NIN: variants seen among roughly 807,000 people sequenced by gnomAD.
NIN encodes the protein ninein, also known as glycogen synthase kinase 3 beta-interacting protein.
In NIN, 137 loss-of-function variants were observed where a neutral mutation model predicts 257.6. That is an observed-to-expected ratio of 0.53 (90% confidence interval 0.46 to 0.61). The LOEUF (loss-of-function observed/expected upper bound fraction) is 0.61, where lower values mean the gene tolerates loss of function less well. Among genes scored for constraint, NIN ranks in the 20% least tolerant of loss-of-function variants. NIN has a pLI of 0.00. For synonymous variants in NIN, 918 were observed against 919.8 expected (o/e 1.00, Z 0.04); for missense variants, 2,439 against 2,501.2 (o/e 0.98, Z 0.53).
chr14:50,792,868 T>TTC lies in NIN; in HGVS notation c.277_278dup (p.Ala94LysfsTer31). 6.2e-7 allele frequency: 1 copy of TTC among 1,614,208 alleles called. No individual in the cohort carries two copies. Among genetic ancestry groups the TTC allele is most frequent in the Non-Finnish European group, 8.5e-7 (1 of 1,180,036 alleles). ...CACCTCTAACATATTTGGGCTGAGC[T>TTC]TCTAGTGAGCAGTCTGAGAGAGGAG... is the stretch of plus-strand genomic sequence containing the variant. On this transcript the variant is annotated frameshift_variant, in exon 5 of 31. Transcript: ENST00000530997. LOFTEE classifies it high-confidence loss of function.
chr14:50,771,539 A>G, intron 9 of NIN, 71 bp from the exon 10 acceptor site: 1 of 1,524,378 alleles, frequency 6.6e-7, no homozygotes, highest in Middle Eastern at 1.7e-4. Flanking sequence ...AGAAAATGTG[A>G]AGGCTATACA....
rs776088962 is a variant in NIN, at chr14:50,726,079, A to G, written c.6079-13T>C. On this transcript the variant is annotated splice_polypyrimidine_tract_variant and intron_variant, in intron 29 of 30. Transcript: ENST00000530997. Reference sequence around the variant, plus strand: ...GTTCCTGGTTTCCCTGAAGGGAAGAAAAGTATATTATTCGAAAATCATGTC... The same window carrying G: ...GTTCCTGGTTTCCCTGAAGGGAAGAGAAGTATATTATTCGAAAATCATGTC... 1.9e-6 allele frequency: 3 copies of G among 1,594,098 alleles called. No homozygotes were observed.
At chr14:50,755,554 T>C (rs574594414) in intron 18 of NIN, among the ~76,000 whole-genome samples, 25 of 152,010 alleles carry the variant, frequency 1.6e-4, no homozygotes, top group African/African-American at 5.8e-4. Context: ...AAATTAATTC[T>C]ACTTGTATCT....
At chr14:50,774,813 G>T (rs545058960) in intron 7 of NIN, among the ~76,000 whole-genome samples, 2 of 152,318 alleles carry the variant, frequency 1.3e-5, no homozygotes, top group South Asian at 4.1e-4. Flanking sequence ...GGTGGAGTGG[G>T]CAAGTGATGA....
chr14:50,819,673 T>C (rs1198421762), intron 3 of NIN, among the ~76,000 whole-genome samples: 1 of 152,240 alleles, frequency 6.6e-6, no homozygotes, highest in Non-Finnish European at 1.5e-5. Flanking sequence ...TCCCATGCCA[T>C]GAGACTACAG....
Position 50,806,809 on chromosome 14 carries a change from C to A in NIN, c.193G>T (p.Asp65Tyr). ...AGTATTAATGCTTCTTTAAATTGGT[C>A]AAAATGTACCTAAAAAAAATTAAAA... ...QDNLLGRVHF[D>Y]QFKEALILIL... Residue 65 changes from aspartate (D) to tyrosine (Y), a missense_variant, in exon 4 of 31, where the codon GAC (aspartate) becomes TAC (tyrosine). Coordinates refer to ENST00000530997, the MANE Select transcript of NIN (RefSeq NM_020921.4). 2.7e-6 allele frequency: 4 copies of A among 1,477,244 alleles called. No individual in the cohort carries two copies. The South Asian group carries it at 4.7e-5, about 17-fold the overall frequency. The allele number at this position is 1,477,244 out of a possible 1,614,324, so 91.5% of individuals were successfully genotyped here.
chr14:50,785,700 C>G (rs2043317223), intron 5 of NIN, among the ~76,000 whole-genome samples: 1 of 152,182 alleles, frequency 6.6e-6, no homozygotes, highest in Admixed American at 6.5e-5. Context: ...AAAAATACAG[C>G]ATCTATGGCG....
At chr14:50,767,397 A>G (rs1009359529) in intron 12 of NIN, among the ~76,000 whole-genome samples, 1 of 152,238 alleles carries the variant, frequency 6.6e-6, no homozygotes, top group Non-Finnish European at 1.5e-5. Context: ...ATGTGTATCT[A>G]TTGGACAGCA....
chr14:50,809,938 C>T (rs2044504919), intron 3 of NIN, among the ~76,000 whole-genome samples: 1 of 152,084 alleles, frequency 6.6e-6, no homozygotes, highest in Non-Finnish European at 1.5e-5. Context: ...TCATAAAGCC[C>T]AGGCACTCAT....
intron 12 of NIN, among the ~76,000 whole-genome samples, chr14:50,769,753 C>T (rs1483188361): frequency 3.3e-5 from 5 of 152,114 alleles, no homozygotes; most frequent in South Asian, 2.1e-4. Flanking sequence ...ATGCCTGCCT[C>T]GGCCTCTGAA....
At chr14:50,740,818 G>A (rs1003903527) in intron 25 of NIN, among the ~76,000 whole-genome samples, 2 of 152,206 alleles carry the variant, frequency 1.3e-5, no homozygotes, top group Admixed American at 1.3e-4. Flanking sequence ...GTTTCACCAA[G>A]AGATAACTGA....
chr14:50,778,883 ACT>A, intron 5 of NIN, 79 bp from the exon 6 acceptor site: 1 of 1,426,522 alleles, frequency 7.0e-7, no homozygotes, highest in African/African-American at 1.4e-5. Flanking sequence ...AGAGCAGATC[ACT>A]CTCTGGCTCT....
intron 29 of NIN, among the ~76,000 whole-genome samples, chr14:50,729,168 TGA>T (rs2040561774): frequency 6.6e-6 from 1 of 152,158 alleles, no homozygotes; most frequent in Non-Finnish European, 1.5e-5. Context: ...GCTTAGAAGC[TGA>T]GAGCTCAAAA....
intron 2 of NIN, among the ~76,000 whole-genome samples, chr14:50,829,246 T>A (rs2045594022): frequency 6.6e-6 from 1 of 152,146 alleles, no homozygotes; most frequent in East Asian, 1.9e-4. Context: ...GTTCCTCCTA[T>A]ACACACTCTG....
In NIN at chr14:50,720,781, T is replaced by C. The variant is rs2040256149; in HGVS notation, c.*2682A>G. ...TACAATAGGATGAGAGAGGTGGGTTTTACTATCCACATTTTCCTTTTCTTA... is the reference window on the plus strand; with the variant it reads ...TACAATAGGATGAGAGAGGTGGGTTCTACTATCCACATTTTCCTTTTCTTA... On this transcript the variant is annotated 3_prime_UTR_variant, in exon 31 of 31. Coordinates refer to ENST00000530997, the MANE Select transcript of NIN (RefSeq NM_020921.4). 1 of 202,528 alleles carries C rather than the reference T, an allele frequency of 4.9e-6. No homozygotes were observed. Among genetic ancestry groups the C allele is most frequent in the African/African-American group, 2.3e-5 (1 of 43,624 alleles). The allele number at this position is 202,528 out of a possible 1,614,324, so 12.5% of individuals were successfully genotyped here.
intron 17 of NIN, among the ~76,000 whole-genome samples, chr14:50,759,547 G>A (rs1229206171): frequency 1.3e-5 from 2 of 151,078 alleles, no homozygotes; most frequent in Non-Finnish European, 2.9e-5. Context: ...AGGCTGGAGT[G>A]CAGTAGCGCG....
In NIN at chr14:50,760,325, A is replaced by G; in HGVS notation, c.1931T>C (p.Val644Ala). The change falls in exon 17 of 31, where the codon GTG becomes GCG. Residue 644 changes from valine to alanine, a missense_variant. Physicochemically the swap from Val to Ala is moderately conservative, Grantham distance 64. Coordinates refer to ENST00000530997, the MANE Select transcript of NIN (RefSeq NM_020921.4). ...RHYEKQLDET[V>A]VSCKKAQENM... ...CTCCTGTGCCTTCTTGCAGCTGACC[A>G]CGGTTTCGTCCAGCTGCTTTTCATA... is the stretch of plus-strand genomic sequence containing the variant. 6.2e-7 allele frequency: 1 copy of G among 1,606,400 alleles called. No homozygotes were observed. The highest frequency in any genetic ancestry group is 8.5e-7 in the Non-Finnish European group (1 of 1,179,800).
rs115261086 is a variant in NIN, at chr14:50,753,810, A to G, written c.4734+753T>C. 7.0e-3 allele frequency among the ~76,000 whole-genome samples: 1,067 copies of G among 152,178 alleles called. 16 individuals carry two copies. The highest frequency in any genetic ancestry group is 0.024 in the African/African-American group (983 of 41,522). On this transcript the variant is annotated intron_variant, in intron 20 of 30. Coordinates refer to ENST00000530997, the MANE Select transcript of NIN (RefSeq NM_020921.4). ...AATCTTTACTTCTTGCTAATTCAAT[A>G]GGTTAAAAAAAAGACGCTTATTGAA...
intron 22 of NIN, among the ~76,000 whole-genome samples, chr14:50,745,759 G>A (rs2041508177): frequency 1.3e-5 from 2 of 152,206 alleles, no homozygotes; most frequent in African/African-American, 4.8e-5. Context: ...CATTTTGGAT[G>A]TCTGTAAACT....
Sources: gnomAD v4.1 joint callset for allele counts (sites outside exome capture counted in the v4.1 genomes callset) on GRCh38, gnomAD v4.1.1 for gene constraint, MANE v1.5 for transcripts, NCBI Gene and HGNC (gene_info 2026-07-23, HGNC 2026-07-21) for gene names.